USP22: variants seen among roughly 807,000 people sequenced by gnomAD.
USP22 encodes ubiquitin specific peptidase 22.
A neutral mutation model predicts 68.1 loss-of-function variants in USP22; 22 were observed. The ratio of observed to expected loss-of-function variants is 0.32; its 90% CI spans 0.23 to 0.46. The LOEUF is 0.46. Ranked by LOEUF, USP22 falls within the 20% of genes least tolerant of loss-of-function variation. The pLI is 1.00. For missense variants in USP22, 433 were observed against 695.8 expected, an observed-to-expected ratio of 0.62 and a Z score of 4.25; for synonymous variants, 279 against 274.2, an observed-to-expected ratio of 1.02 and a Z score of -0.17.
At chr17:21,042,298 C>G (rs910203706) in intron 1 of USP22, 1 of 162,896 alleles carries the variant, frequency 6.1e-6, no homozygotes, top group Non-Finnish European at 1.3e-5. Context: ...CCACCCCCGG[C>G]CCGGAAGCAC....
At chr17:21,035,770 C>T (rs1243364117) in intron 1 of USP22, among the ~76,000 whole-genome samples, 1 of 152,060 alleles carries the variant, frequency 6.6e-6, no homozygotes, top group Non-Finnish European at 1.5e-5. Flanking sequence ...GTGGCTCACG[C>T]CTGTAATCCC....
At chr17:21,039,432 C>A (rs1367849758) in intron 1 of USP22, among the ~76,000 whole-genome samples, 2 of 151,844 alleles carry the variant, frequency 1.3e-5, no homozygotes, top group Non-Finnish European at 2.9e-5. Flanking sequence ...ACAAAATTAG[C>A]CAGGCATGGT....
At position 21,011,177 on chromosome 17, in the gene USP22, G is replaced by C. The variant is rs377085424; in HGVS notation, c.1077C>G (p.Thr359=). ...VVNGESHVSG[T]TTLTDCLRRF... ...GTCGCAGGCAGTCCGTGAGCGTGGT[G>C]GTTCCCGACACGTGGCTTTCCCCGT... Residue 359 remains threonine (T), a synonymous_variant, in exon 8 of 13, where the codon ACC becomes ACG. Coordinates refer to ENST00000261497, the MANE Select transcript of USP22 (RefSeq NM_015276.2). 393 of 1,608,282 alleles carry C rather than the reference G, an allele frequency of 2.4e-4. 1 individual carries two copies. In the African/African-American group the frequency reaches 4.3e-3, roughly 18 times the overall value.
intron 1 of USP22, among the ~76,000 whole-genome samples, chr17:21,033,493 A>C (rs1307634413): frequency 6.6e-6 from 1 of 152,180 alleles, no homozygotes; most frequent in African/African-American, 2.4e-5. Flanking sequence ...GCGGAGGAGC[A>C]AGAGGGGCAG....
intron 11 of USP22, among the ~76,000 whole-genome samples, 152 bp downstream of exon 11, chr17:21,004,768 CTAGTGGAG>C (rs1913726397): frequency 2.0e-5 from 3 of 151,762 alleles, no homozygotes; most frequent in African/African-American, 7.3e-5. Flanking sequence ...GCGGCCTTTC[CTAGTGGAG>C]CTGCGGGCAG....
At chr17:21,013,040 G>T (rs938643998) in intron 6 of USP22, 105 bp from the exon 7 acceptor site, 1 of 962,924 alleles carries the variant, frequency 1.0e-6, no homozygotes. Context: ...CAGGGCCAAC[G>T]CTTTAAAAGG....
chr17:21,028,440 C>T (rs193168077), intron 2 of USP22, 102 bp downstream of exon 2: 1,507 of 1,538,208 alleles, frequency 9.8e-4, no homozygotes, highest in Non-Finnish European at 1.1e-3. Context: ...TTGAGACAAA[C>T]GACAAAGTGG....
chr17:21,005,615 GCT>G (rs1169277096), intron 10 of USP22, among the ~76,000 whole-genome samples: 1 of 152,162 alleles, frequency 6.6e-6, no homozygotes, highest in Non-Finnish European at 1.5e-5. Context: ...ATGATATGGA[GCT>G]CTGACTCTGG....
At chr17:21,019,247 C>T (rs1972124814) in intron 3 of USP22, 62 bp from the exon 4 acceptor site, 2 of 1,520,808 alleles carry the variant, frequency 1.3e-6, no homozygotes, top group Admixed American at 3.3e-5. Flanking sequence ...AGTGTGTTTA[C>T]ACATAAAAGC....
At chr17:21,031,154 G>C (rs527361345) in intron 1 of USP22, among the ~76,000 whole-genome samples, 2 of 152,236 alleles carry the variant, frequency 1.3e-5, no homozygotes, top group East Asian at 3.9e-4. Flanking sequence ...CTATTAAATT[G>C]AACACATGTA....
chr17:21,024,278 A>G (rs1972193498), intron 2 of USP22, among the ~76,000 whole-genome samples: 1 of 152,204 alleles, frequency 6.6e-6, no homozygotes, highest in Non-Finnish European at 1.5e-5. Flanking sequence ...CGTGAAAAAC[A>G]GCCCACACAT....
At chr17:21,024,468 C>A (rs2143599275) in intron 2 of USP22, among the ~76,000 whole-genome samples, 1 of 152,314 alleles carries the variant, frequency 6.6e-6, no homozygotes, top group Admixed American at 6.5e-5. Context: ...ATCTCTGTAA[C>A]AAATGCTGCT....
At chr17:21,023,793 T>G in intron 2 of USP22, among the ~76,000 whole-genome samples, 1 of 152,152 alleles carries the variant, frequency 6.6e-6, no homozygotes, top group East Asian at 1.9e-4. Context: ...GCTGTGCACC[T>G]TTCATCAATT....
Position 21,019,076 on chromosome 17 carries a change from C to T in USP22, c.520+8G>A, listed in dbSNP as rs566967023. The T allele has an allele frequency of 4.3e-6, 7 of 1,613,700 alleles. No individual in the cohort carries two copies. The African/African-American group carries it at 5.3e-5, about 12-fold the overall frequency. On this transcript the variant is annotated splice_region_variant and intron_variant, in intron 4 of 12. Coordinates refer to ENST00000261497, the MANE Select transcript of USP22 (RefSeq NM_015276.2). ...GCCTAGCTGAGAGTGACGACACGCT[C>T]CACCCACCTATGGTGCAGTTCGAGG...
chr17:21,004,741 T>A (rs560119026), intron 11 of USP22, among the ~76,000 whole-genome samples, 187 bp downstream of exon 11: 4 of 151,708 alleles, frequency 2.6e-5, no homozygotes, highest in Admixed American at 2.6e-4. Flanking sequence ...GAGGGAGCAT[T>A]TGTGGCACCA....
chr17:21,023,694 G>A (rs200642628), intron 2 of USP22, among the ~76,000 whole-genome samples: 30,298 of 149,898 alleles, frequency 0.2, 3,835 homozygotes, highest in South Asian at 0.29. Context: ...AAATCCACGT[G>A]ATGTCAGACA....
In USP22 at chr17:21,002,361, G is replaced by T. The variant is rs185316757; in HGVS notation, c.*670C>A. On this transcript the variant is annotated 3_prime_UTR_variant, in exon 13 of 13. Transcript: ENST00000261497. The stretch of plus-strand genomic sequence containing the variant: ...TTACATTTATGAAATTCACCTTTGT[G>T]GAAAAAGGAGCGGGAGAGGGATAAG... The T allele has an allele frequency of 1.3e-5, 2 of 152,394 alleles. No homozygotes were observed. Among genetic ancestry groups the T allele is most frequent in the East Asian group, 3.9e-4 (2 of 5,190 alleles). 9.4% of individuals were successfully genotyped at this position (152,394 alleles called of 1,614,324 possible). A position where few individuals can be genotyped will look rare whatever the true frequency, so the allele number is the denominator to read the frequency against.
Position 21,004,777 on chromosome 17 carries a change from CTGCGGGCAGCCAATAGTGGA to C in USP22, c.1385+131_1385+150del. ...CGTGGAGCGGCCTTTCCTAGTGGAG[CTGCGGGCAGCCAATAGTGGA>C]GCTGCGGGCAGCCAAGCGGGAAGCA... On this transcript the variant is annotated intron_variant, in intron 11 of 12. Transcript: ENST00000261497. 21 of 87,220 alleles carry C rather than the reference CTGCGGGCAGCCAATAGTGGA, an allele frequency of 2.4e-4. 4 individuals carry two copies. Among genetic ancestry groups the C allele is most frequent in the Non-Finnish European group, 4.8e-4 (15 of 31,450 alleles). 5.4% of individuals were successfully genotyped at this position (87,220 alleles called of 1,614,324 possible).
At chr17:21,007,578 G>C (rs115611024) in intron 9 of USP22, among the ~76,000 whole-genome samples, 1 of 152,156 alleles carries the variant, frequency 6.6e-6, no homozygotes, top group African/African-American at 2.4e-5. Context: ...AACCTGAGGA[G>C]GGGGTAGCTG....
Sources: gnomAD v4.1 joint callset for allele counts (sites outside exome capture counted in the v4.1 genomes callset) on GRCh38, gnomAD v4.1.1 for gene constraint, MANE v1.5 for transcripts, NCBI Gene and HGNC (gene_info 2026-07-23, HGNC 2026-07-21) for gene names.